Variants in SCP2 observed in about 807,000 individuals in gnomAD.
The protein encoded by SCP2 is sterol carrier protein 2.
A neutral mutation model predicts 71.4 loss-of-function variants in SCP2; 48 were observed. That is an observed-to-expected ratio of 0.67 (90% CI 0.53 to 0.86). The LOEUF is 0.86. Ranked by LOEUF, SCP2 falls within the 40% of genes least tolerant of loss-of-function variation. The pLI, the probability that SCP2 is intolerant of heterozygous loss-of-function variation, is 0.00. For synonymous variants in SCP2, 220 were observed against 218.1 expected (o/e 1.01, Z -0.08); for missense variants, 560 against 655.6 (o/e 0.85, Z 1.59).
chr1:52,953,757 G>C lies in SCP2; in HGVS notation c.332-983G>C, dbSNP rs535167729. ...TAATCCCAGCACTTTGGGAAGCTGA[G>C]GTGGGTGGATCACTTGAGCCCAGGA... is the stretch of plus-strand genomic sequence containing the variant. On this transcript the variant is annotated intron_variant, in intron 4 of 15. Coordinates refer to ENST00000371514, the MANE Select transcript of SCP2 (RefSeq NM_002979.5). 2.9e-3 allele frequency among the ~76,000 whole-genome samples: 434 copies of C among 151,794 alleles called. 5 individuals carry two copies. Among genetic ancestry groups the C allele is most frequent in the African/African-American group, 9.8e-3 (408 of 41,436 alleles).
intron 1 of SCP2, among the ~76,000 whole-genome samples, chr1:52,935,198 G>C (rs1653600586): frequency 6.6e-6 from 1 of 151,572 alleles, no homozygotes; most frequent in Admixed American, 6.6e-5. Context: ...CCCGGGAGGC[G>C]GAGGTTGCAG....
At chr1:53,049,170 ATCC>A (rs2150280148) in intron 15 of SCP2, 1 of 152,372 alleles carries the variant, frequency 6.6e-6, no homozygotes, top group East Asian at 1.9e-4. Flanking sequence ...GCTGGCTGTC[ATCC>A]TCCTTCCCAC....
chr1:53,049,352 C>G (rs1017343875), intron 15 of SCP2: 1 of 152,194 alleles, frequency 6.6e-6, no homozygotes, highest in Non-Finnish European at 1.5e-5. Flanking sequence ...AAATAGCAGA[C>G]CTTTCTATTA....
chr1:52,940,026 C>T (rs115802509), intron 1 of SCP2, among the ~76,000 whole-genome samples: 4,103 of 152,202 alleles, frequency 0.027, 147 homozygotes, highest in East Asian at 0.19. Flanking sequence ...CATATCCTTG[C>T]CAGCATTTGA....
Position 52,947,437 on chromosome 1 carries a change from C to T in SCP2, c.128-572C>T, listed in dbSNP as rs116133595. ...GTCATAAATGAGGATTTAGCTCACA[C>T]TTTTTTTTCAACCTCACTGTCCTCT... On this transcript the variant is annotated intron_variant, in intron 2 of 15. Transcript: ENST00000371514. 2.8e-3 allele frequency among the ~76,000 whole-genome samples: 431 copies of T among 151,912 alleles called. 4 individuals are homozygous for T. Among genetic ancestry groups the T allele is most frequent in the African/African-American group, 9.8e-3 (406 of 41,448 alleles).
chr1:53,020,778 A>G (rs1324936423), intron 12 of SCP2, among the ~76,000 whole-genome samples: 1 of 151,946 alleles, frequency 6.6e-6, no homozygotes, highest in Non-Finnish European at 1.5e-5. Flanking sequence ...TTGTCTTCCA[A>G]CTCTCAACTC....
At chr1:53,001,686 A>G (rs957196217) in intron 11 of SCP2, among the ~76,000 whole-genome samples, 1 of 152,278 alleles carries the variant, frequency 6.6e-6, no homozygotes, top group South Asian at 2.1e-4. Flanking sequence ...ACTGTTCTTC[A>G]GTGTCCTTTC....
chr1:52,951,028 C>T (rs542835251), intron 4 of SCP2, 142 bp downstream of exon 4: 283 of 947,930 alleles, frequency 3.0e-4, no homozygotes, highest in Non-Finnish European at 4.2e-4. Flanking sequence ...TGCTTGTAAC[C>T]CTAGCACTTT....
intron 6 of SCP2, among the ~76,000 whole-genome samples, chr1:52,970,170 T>C (rs1284590015): frequency 6.6e-6 from 1 of 152,214 alleles, no homozygotes; most frequent in African/African-American, 2.4e-5. Flanking sequence ...TTTAATTTTA[T>C]TAGTAATTTC....
chr1:52,944,650 T>A (rs192550540), intron 2 of SCP2, among the ~76,000 whole-genome samples: 7 of 152,226 alleles, frequency 4.6e-5, no homozygotes, highest in Admixed American at 4.6e-4. Context: ...TTAGTGTGTG[T>A]ATAATATTTT....
intron 14 of SCP2, among the ~76,000 whole-genome samples, chr1:53,039,488 G>A (rs570091201): frequency 7.4e-4 from 112 of 152,120 alleles, no homozygotes; most frequent in Non-Finnish European, 1.4e-3. Context: ...ACTCACAATC[G>A]CCAGTTATTC....
At chr1:52,952,498 A>G (rs570060602) in intron 4 of SCP2, among the ~76,000 whole-genome samples, 19 of 152,308 alleles carry the variant, frequency 1.2e-4, no homozygotes, top group African/African-American at 4.3e-4. Flanking sequence ...AAGTGCTAGG[A>G]TGGCTACACC....
intron 7 of SCP2, among the ~76,000 whole-genome samples, chr1:52,975,269 GC>G (rs1412669228): frequency 2.0e-5 from 3 of 151,854 alleles, no homozygotes; most frequent in Non-Finnish European, 4.4e-5. Context: ...CAACCTCTGT[GC>G]CCTGGGTTCA....
At chr1:53,029,889 C>T (rs1216754171) in intron 13 of SCP2, among the ~76,000 whole-genome samples, 1 of 127,344 alleles carries the variant, frequency 7.9e-6, no homozygotes, top group Admixed American at 1.0e-4. Context: ...TAAATCTTTA[C>T]CCCCTGTTTT....
chr1:52,947,061 G>C (rs12239062), intron 2 of SCP2, among the ~76,000 whole-genome samples: 2 of 76,974 alleles, frequency 2.6e-5, no homozygotes, highest in Admixed American at 1.6e-4. Flanking sequence ...ACTCTGTCTC[G>C]AAAAAAAAAA....
chr1:52,974,676 G>A (rs1657789556), intron 6 of SCP2, 93 bp from the exon 7 acceptor site: 2 of 779,462 alleles, frequency 2.6e-6, no homozygotes, highest in Non-Finnish European at 4.8e-6. Context: ...AAAATATGGA[G>A]ATATTTAGCA....
intron 13 of SCP2, among the ~76,000 whole-genome samples, chr1:53,037,907 C>CAGATCCAGATCCTGTCTCTAT (rs1458278383): frequency 0.015 from 1,914 of 128,450 alleles, 34 homozygotes; most frequent in African/African-American, 0.059. Context: ...CACACACACA[C>CAGATCCAGATCCTGTCTCTAT]ACACACACAC....
intron 2 of SCP2, among the ~76,000 whole-genome samples, chr1:52,944,168 T>C (rs532042374): frequency 4.7e-4 from 71 of 152,316 alleles, no homozygotes; most frequent in Non-Finnish European, 6.5e-4. Flanking sequence ...GTCCTTTTCC[T>C]AGGGAGCCTC....
chr1:53,008,309 T>G (rs1458594966), intron 11 of SCP2, among the ~76,000 whole-genome samples: 1 of 152,188 alleles, frequency 6.6e-6, no homozygotes. Context: ...TACCAAAGCC[T>G]GGCAGAGACA....
Sources: allele counts gnomAD v4.1 joint callset (sites outside exome capture counted in the v4.1 genomes callset), GRCh38; gene constraint gnomAD v4.1.1; transcripts MANE v1.5; gene names NCBI Gene and HGNC (gene_info 2026-07-23, HGNC 2026-07-21).